The following GSE1 variants were observed in gnomAD, a reference collection of about 807,000 sequenced individuals.
GSE1 encodes the protein genetic suppressor element 1.
In GSE1, 32 loss-of-function variants were observed where a neutral mutation model predicts 112.6. The observed-to-expected ratio is 0.28, with a 90% CI of 0.21 to 0.38. The LOEUF (loss-of-function observed/expected upper bound fraction) is 0.38. Among genes scored for constraint, GSE1 ranks in the 10% least tolerant of loss-of-function variants. GSE1 has a pLI of 1.00. For synonymous variants in GSE1, 1,115 were observed against 735.6 expected (o/e 1.52, Z -8.35); for missense variants, 2,348 against 1,699.2 (o/e 1.38, Z -6.71).
intron 1 of GSE1, among the ~76,000 whole-genome samples, chr16:85,630,633 T>G (rs1402059298): frequency 6.6e-6 from 1 of 152,262 alleles, no homozygotes; most frequent in Non-Finnish European, 1.5e-5. Context: ...TTTTAACCAT[T>G]ACAGTTCAAC....
At chr16:85,218,947 T>C (rs1177623735) in intron 1 of GSE1, among the ~76,000 whole-genome samples, 3 of 152,172 alleles carry the variant, frequency 2.0e-5, no homozygotes, top group Admixed American at 6.5e-5. Flanking sequence ...TGGTGTGATA[T>C]CGGCTCACTG....
intron 1 of GSE1, among the ~76,000 whole-genome samples, chr16:85,329,008 G>T (rs1474953835): frequency 6.6e-6 from 1 of 152,204 alleles, no homozygotes; most frequent in African/African-American, 2.4e-5. Flanking sequence ...GGGGCGTTCG[G>T]TGGGGGATTG....
chr16:85,650,103 T>C (rs1474904839), intron 3 of GSE1, among the ~76,000 whole-genome samples: 1 of 152,162 alleles, frequency 6.6e-6, no homozygotes, highest in Non-Finnish European at 1.5e-5. Context: ...CCTCTCGTAG[T>C]TTGACTAATC....
intron 1 of GSE1, among the ~76,000 whole-genome samples, chr16:85,312,099 C>T (rs759208048): frequency 2.0e-4 from 30 of 152,074 alleles, no homozygotes; most frequent in African/African-American, 3.9e-4. Flanking sequence ...AAGAACAGGA[C>T]GCTCAGACTC....
At chr16:85,497,024 G>A (rs549998120) in intron 2 of GSE1, among the ~76,000 whole-genome samples, 101 of 151,908 alleles carry the variant, frequency 6.6e-4, no homozygotes, top group African/African-American at 2.2e-3. Flanking sequence ...TCAGCCTCCC[G>A]AGTAGCTGGG....
chr16:85,508,380 G>T (rs571457590), intron 2 of GSE1, among the ~76,000 whole-genome samples: 1 of 152,162 alleles, frequency 6.6e-6, no homozygotes, highest in East Asian at 1.9e-4. Context: ...AGTGACATAC[G>T]CAGGTAGCTT....
At chr16:85,641,725 C>G (rs2050465806) in intron 2 of GSE1, among the ~76,000 whole-genome samples, 1 of 152,264 alleles carries the variant, frequency 6.6e-6, no homozygotes, top group Admixed American at 6.5e-5. Flanking sequence ...CTGATTGGCT[C>G]TTTCCTCTGG....
At chr16:85,535,234 T>A (rs1238657163) in intron 2 of GSE1, among the ~76,000 whole-genome samples, 1 of 152,166 alleles carries the variant, frequency 6.6e-6, no homozygotes, top group Non-Finnish European at 1.5e-5. Context: ...TGCCTCACGG[T>A]GCCGAGATGG....
intron 3 of GSE1, among the ~76,000 whole-genome samples, chr16:85,648,998 C>T (rs1032426926): frequency 6.6e-5 from 10 of 152,090 alleles, no homozygotes; most frequent in Non-Finnish European, 1.5e-4. Context: ...GGGGGTGTCC[C>T]GTTATTTTCT....
chr16:85,483,593 G>A (rs2050748329), intron 2 of GSE1, among the ~76,000 whole-genome samples: 1 of 152,254 alleles, frequency 6.6e-6, no homozygotes, highest in Non-Finnish European at 1.5e-5. Context: ...CACTGTCTCC[G>A]CCCTCTTGGT....
At chr16:85,462,910 G>A (rs2050013727) in intron 2 of GSE1, among the ~76,000 whole-genome samples, 1 of 151,032 alleles carries the variant, frequency 6.6e-6, no homozygotes, top group South Asian at 2.1e-4. Flanking sequence ...GGGACGCCCC[G>A]GCTGCTCCGT....
At chr16:85,556,247 G>A (rs1045504210) in exon 1 of GSE1, 16 of 984,426 alleles carry the variant, frequency 1.6e-5, no homozygotes, top group Non-Finnish European at 1.9e-5. Flanking sequence ...CTTGAACGGT[G>A]CTTTTTGTTC....
intron 2 of GSE1, among the ~76,000 whole-genome samples, chr16:85,418,745 C>T (rs969116239): frequency 7.9e-5 from 12 of 152,172 alleles, no homozygotes; most frequent in African/African-American, 2.4e-4. Flanking sequence ...GGGGACAAGC[C>T]GGCAAGCAGG....
intron 1 of GSE1, among the ~76,000 whole-genome samples, chr16:85,236,005 A>AGGCTGGGCCTGGGGCTGC (rs1904614423): frequency 6.8e-6 from 1 of 146,472 alleles, no homozygotes; most frequent in Non-Finnish European, 1.5e-5. Context: ...CCTGGGGCTG[A>AGGCTGGGCCTGGGGCTGC]GGCTGGGCCT....
chr16:85,520,838 C>G (rs888507651), intron 2 of GSE1, among the ~76,000 whole-genome samples: 2 of 152,164 alleles, frequency 1.3e-5, no homozygotes, highest in African/African-American at 4.8e-5. Context: ...ACAATGGGGA[C>G]CAGCCTGGGG....
At position 85,672,722 on chromosome 16, in the gene GSE1, G is replaced by C; in HGVS notation, c.*183G>C. 1 of 427,138 alleles carries C rather than the reference G, an allele frequency of 2.3e-6. No homozygotes were observed. Among genetic ancestry groups the C allele is most frequent in the Non-Finnish European group, 4.1e-6 (1 of 243,154 alleles). The allele number at this position is 427,138 out of a possible 1,614,324, so 26.5% of individuals were successfully genotyped here. A position where few individuals can be genotyped will look rare whatever the true frequency, so the allele number is the denominator to read the frequency against. On this transcript the variant is annotated 3_prime_UTR_variant, in exon 16 of 16. Coordinates refer to ENST00000253458, the MANE Select transcript of GSE1 (RefSeq NM_014615.5). ...AACTCACCTTGACGTCAATGCAATT[G>C]AATCACCGTTGTCATTCAGCGAGCA...
At chr16:85,184,038 T>A (rs549330512) in intron 1 of GSE1, among the ~76,000 whole-genome samples, 2 of 152,362 alleles carry the variant, frequency 1.3e-5, no homozygotes, top group South Asian at 4.1e-4. Flanking sequence ...CAGTCTCCTC[T>A]TGAATCCTTC....
chr16:85,512,568 C>T (rs916641145), intron 2 of GSE1, among the ~76,000 whole-genome samples: 1 of 152,192 alleles, frequency 6.6e-6, no homozygotes, highest in Non-Finnish European at 1.5e-5. Flanking sequence ...GTGTTTTCTT[C>T]CCTCTCTTCT....
intron 1 of GSE1, among the ~76,000 whole-genome samples, chr16:85,333,059 G>A (rs1213011993): frequency 1.1e-4 from 17 of 152,072 alleles, no homozygotes; most frequent in Admixed American, 8.5e-4. Flanking sequence ...GTACCCCGCC[G>A]CCTTGGACCC....
Sources: allele counts gnomAD v4.1 joint callset (sites outside exome capture counted in the v4.1 genomes callset), GRCh38; gene constraint gnomAD v4.1.1; transcripts MANE v1.5; gene names NCBI Gene and HGNC (gene_info 2026-07-23, HGNC 2026-07-21).